The following PAM variants were observed in gnomAD, a reference collection of about 807,000 sequenced individuals.
The protein encoded by PAM is peptidylglycine alpha-amidating monooxygenase.
Under a neutral mutation model 122.1 loss-of-function variants are expected in PAM, and 72 were observed. The ratio of observed to expected loss-of-function variants is 0.59; its 90% confidence interval spans 0.49 to 0.72. The LOEUF is 0.72. Among genes scored for constraint, PAM ranks in the 30% least tolerant of loss-of-function variants. The pLI is 0.00. For missense variants in PAM, 1,106 were observed against 1,183.7 expected (o/e 0.93, Z 0.96); for synonymous variants, 389 against 404.4 (o/e 0.96, Z 0.46).
chr5:102,851,782 T>C (rs39972), intron 1 of PAM, among the ~76,000 whole-genome samples: 6 of 152,358 alleles, frequency 3.9e-5, no homozygotes, highest in Admixed American at 3.3e-4. Flanking sequence ...GTTAGTGCTA[T>C]GTTATTATTT....
intron 15 of PAM, chr5:102,987,478 A>G (rs950377810): frequency 4.5e-6 from 2 of 444,922 alleles, no homozygotes; most frequent in African/African-American, 2.0e-5. Context: ...ACAGCAGGGT[A>G]AATATAGTTA....
chr5:102,818,737 CT>C (rs1176309253), intron 1 of PAM, among the ~76,000 whole-genome samples: 5 of 152,030 alleles, frequency 3.3e-5, no homozygotes, highest in African/African-American at 1.2e-4. Flanking sequence ...TATGTGTGGC[CT>C]TTTTTTATGT....
intron 1 of PAM, among the ~76,000 whole-genome samples, chr5:102,855,372 AAG>A (rs1350721002): frequency 1.3e-5 from 2 of 152,206 alleles, no homozygotes; most frequent in African/African-American, 4.8e-5. Flanking sequence ...TATAATAGGA[AAG>A]AGTGTGTTTA....
At chr5:102,953,328 A>G (rs1011031574) in intron 12 of PAM, among the ~76,000 whole-genome samples, 1 of 152,180 alleles carries the variant, frequency 6.6e-6, no homozygotes, top group Non-Finnish European at 1.5e-5. Context: ...GGATGAATGC[A>G]TAAAGAAATG....
chr5:102,837,180 T>C (rs547492126), intron 1 of PAM, among the ~76,000 whole-genome samples: 8 of 152,300 alleles, frequency 5.3e-5, no homozygotes, highest in African/African-American at 1.9e-4. Flanking sequence ...CCATTAAGAA[T>C]ACAGTAATTA....
chr5:102,927,388 G>A (rs894336872), intron 7 of PAM, among the ~76,000 whole-genome samples: 3 of 152,182 alleles, frequency 2.0e-5, no homozygotes, highest in African/African-American at 7.2e-5. Flanking sequence ...GTGTTCACAG[G>A]TGTAAATATT....
chr5:102,909,059 G>C (rs1296855828), intron 4 of PAM, among the ~76,000 whole-genome samples: 1 of 151,720 alleles, frequency 6.6e-6, no homozygotes, highest in Non-Finnish European at 1.5e-5. Context: ...ATAAAGAAAT[G>C]TTGATAGTAA....
At chr5:102,997,713 C>T (rs978273615) in intron 16 of PAM, among the ~76,000 whole-genome samples, 1 of 152,146 alleles carries the variant, frequency 6.6e-6, no homozygotes, top group Non-Finnish European at 1.5e-5. Context: ...TTTGCTGCCA[C>T]CACTGGAAAC....
Position 102,774,339 on chromosome 5 carries a change from G to A in PAM, c.-374+18991G>A, listed in dbSNP as rs535093900. 4.5e-4 allele frequency among the ~76,000 whole-genome samples: 68 copies of A among 152,146 alleles called. 1 individual carries two copies. The highest frequency in any genetic ancestry group is 1.6e-3 in the African/African-American group (66 of 41,534). ...GAACTAATTTACACTCCCACCAAAAGTGTGTAAATGTTCCCTCATTTTTAT... is the reference window on the plus strand; with the variant it reads ...GAACTAATTTACACTCCCACCAAAAATGTGTAAATGTTCCCTCATTTTTAT... On this transcript the variant is annotated intron_variant, in intron 1 of 25. Transcript: ENST00000438793.
chr5:102,845,834 T>A (rs1393800299), intron 1 of PAM, among the ~76,000 whole-genome samples: 1 of 152,176 alleles, frequency 6.6e-6, no homozygotes, highest in African/African-American at 2.4e-5. Flanking sequence ...GATGGGAAAT[T>A]AATAAATGAG....
chr5:102,772,233 T>C (rs188715881), intron 1 of PAM, among the ~76,000 whole-genome samples: 1 of 152,286 alleles, frequency 6.6e-6, no homozygotes, highest in African/African-American at 2.4e-5. Context: ...ATGTTGGATA[T>C]CATTATTATT....
chr5:102,943,458 C>T (rs1360446070), intron 7 of PAM, among the ~76,000 whole-genome samples: 1 of 152,076 alleles, frequency 6.6e-6, no homozygotes, highest in Non-Finnish European at 1.5e-5. Flanking sequence ...AATTAAGTAC[C>T]ACTGGTTACT....
intron 1 of PAM, among the ~76,000 whole-genome samples, chr5:102,758,124 G>C (rs944852202): frequency 8.7e-6 from 1 of 114,832 alleles, no homozygotes; most frequent in African/African-American, 3.3e-5. Context: ...GGCAAAGAAT[G>C]AGCAAGAATT....
intron 21 of PAM, among the ~76,000 whole-genome samples, chr5:103,012,747 T>G (rs892107309): frequency 6.6e-6 from 1 of 151,734 alleles, no homozygotes; most frequent in Non-Finnish European, 1.5e-5. Context: ...TCCCAGCTAC[T>G]CTGGAGGCTG....
In PAM at chr5:102,909,033, CATT is replaced by C. The variant is rs781218023; in HGVS notation, c.269-4897_269-4895del. Among the ~76,000 whole-genome samples, 8 of 151,716 alleles carry C rather than the reference CATT, an allele frequency of 5.3e-5. No individual in the cohort carries two copies. In the South Asian group the frequency reaches 8.3e-4, roughly 16 times the overall value. On this transcript the variant is annotated intron_variant, in intron 4 of 25. Coordinates refer to ENST00000438793, the MANE Select transcript of PAM (RefSeq NM_001177306.2). ...CTTTGAGCAGTTTTTGAAGCATAAT[CATT>C]ATTTTTTTGGAAATAAAGAAATGTT...
At chr5:103,022,825 T>C (rs1334815662) in intron 23 of PAM, among the ~76,000 whole-genome samples, 1 of 152,150 alleles carries the variant, frequency 6.6e-6, no homozygotes, top group East Asian at 1.9e-4. Context: ...TGGATTATTC[T>C]TCAGGCTTTC....
At chr5:102,831,196 A>C (rs950277965) in intron 1 of PAM, among the ~76,000 whole-genome samples, 1 of 152,134 alleles carries the variant, frequency 6.6e-6, no homozygotes, top group African/African-American at 2.4e-5. Flanking sequence ...ACTTTATTAT[A>C]ATGTTCATGG....
chr5:102,784,028 G>A (rs961450386), intron 1 of PAM, among the ~76,000 whole-genome samples: 1 of 152,038 alleles, frequency 6.6e-6, no homozygotes, highest in Non-Finnish European at 1.5e-5. Flanking sequence ...CAAGTAGCTG[G>A]GACTAAAGGC....
chr5:102,950,416 G>GGTGGGTGTGTGTGTGTGTGTGT (rs1554134181), intron 11 of PAM, among the ~76,000 whole-genome samples: 7 of 145,966 alleles, frequency 4.8e-5, no homozygotes, highest in African/African-American at 1.8e-4. Flanking sequence ...TATGTGGGTG[G>GGTGGGTGTGTGTGTGTGTGTGT]GTGTGTGTGT....
Sources: allele counts gnomAD v4.1 joint callset (sites outside exome capture counted in the v4.1 genomes callset), GRCh38; gene constraint gnomAD v4.1.1; transcripts MANE v1.5; gene names NCBI Gene and HGNC (gene_info 2026-07-23, HGNC 2026-07-21).